The following LRRIQ1 variants were observed in gnomAD, a reference collection of about 807,000 sequenced individuals.
LRRIQ1 encodes the protein leucine-rich repeat- and IQ domain-containing protein 1.
A neutral mutation model predicts 211.9 loss-of-function variants in LRRIQ1; 210 were observed. That is an observed-to-expected ratio of 0.99 (90% CI 0.89 to 1.11). The LOEUF (loss-of-function observed/expected upper bound fraction) is 1.11. Among genes scored for constraint, LRRIQ1 ranks in the 50% most tolerant of loss-of-function variants. The pLI, the probability that LRRIQ1 is intolerant of heterozygous loss-of-function variation, is 0.00. For missense variants in LRRIQ1, 2,136 were observed against 1,939.5 expected (o/e 1.10, Z -1.90); for synonymous variants, 699 against 650.1 (o/e 1.08, Z -1.14).
chr12:85,141,119 CA>C (rs1450915189), intron 19 of LRRIQ1, among the ~76,000 whole-genome samples: 1 of 151,208 alleles, frequency 6.6e-6, no homozygotes, highest in African/African-American at 2.4e-5. Flanking sequence ...CTTCTGTTTT[CA>C]AGGGGAGTTT....
At chr12:85,260,895 T>A (rs1360731168) in intron 1 of LRRIQ1, among the ~76,000 whole-genome samples, 1 of 152,210 alleles carries the variant, frequency 6.6e-6, no homozygotes. Context: ...AGGCCAATAG[T>A]TTATCATCTA....
intron 6 of LRRIQ1, among the ~76,000 whole-genome samples, chr12:85,051,550 A>G (rs1249498414): frequency 6.6e-6 from 1 of 152,186 alleles, no homozygotes; most frequent in Non-Finnish European, 1.5e-5. Context: ...GATTTCAAAT[A>G]CAGTCTTTTG....
intron 24 of LRRIQ1, among the ~76,000 whole-genome samples, chr12:85,171,926 T>G (rs1891438844): frequency 1.3e-5 from 2 of 152,356 alleles, no homozygotes; most frequent in South Asian, 2.1e-4. Flanking sequence ...CATCCCAGTC[T>G]GTAGTATTTT....
chr12:85,205,352 T>A (rs950450414), intron 24 of LRRIQ1, among the ~76,000 whole-genome samples: 2 of 152,158 alleles, frequency 1.3e-5, no homozygotes, highest in African/African-American at 4.8e-5. Flanking sequence ...TTCTTCTTGG[T>A]TTAGGAAGCT....
chr12:85,119,712 T>C (rs769701146), intron 15 of LRRIQ1, among the ~76,000 whole-genome samples: 43 of 152,174 alleles, frequency 2.8e-4, no homozygotes, highest in Non-Finnish European at 6.2e-4. Context: ...TTCTAATAGG[T>C]ACGTAGTGGT....
intron 23 of LRRIQ1, among the ~76,000 whole-genome samples, chr12:85,158,566 C>A (rs1056726293): frequency 6.6e-6 from 1 of 151,808 alleles, no homozygotes; most frequent in African/African-American, 2.4e-5. Context: ...TAATGCTTAA[C>A]TAAAATTATA....
At chr12:85,219,605 T>C (rs769435893) in intron 24 of LRRIQ1, among the ~76,000 whole-genome samples, 6 of 152,028 alleles carry the variant, frequency 3.9e-5, no homozygotes, top group Non-Finnish European at 8.8e-5. Flanking sequence ...TTTCCCTCTC[T>C]GCCATAAAAT....
At chr12:85,222,402 A>G (rs1894444317) in intron 24 of LRRIQ1, among the ~76,000 whole-genome samples, 1 of 152,166 alleles carries the variant, frequency 6.6e-6, no homozygotes, top group Admixed American at 6.5e-5. Context: ...AGGATTGAGA[A>G]TAAAAACATG....
intron 15 of LRRIQ1, 66 bp from the exon 16 acceptor site, chr12:85,121,631 G>A: frequency 1.7e-6 from 2 of 1,189,684 alleles, no homozygotes; most frequent in Non-Finnish European, 2.3e-6. Flanking sequence ...ATTAGTATAT[G>A]GTTATTTAGA....
At chr12:85,205,934 T>G (rs939467601) in intron 24 of LRRIQ1, among the ~76,000 whole-genome samples, 5 of 151,902 alleles carry the variant, frequency 3.3e-5, no homozygotes, top group African/African-American at 9.7e-5. Context: ...TTGGAGAGAG[T>G]TTTTTATCTC....
intron 10 of LRRIQ1, among the ~76,000 whole-genome samples, chr12:85,072,130 G>T (rs372868252): frequency 6.6e-6 from 1 of 151,798 alleles, no homozygotes; most frequent in Admixed American, 6.6e-5. Flanking sequence ...TCTGAGCAAT[G>T]CTTATTCTGT....
rs80287440 is a variant in LRRIQ1, at chr12:85,240,272, C to A, written c.5017-4517C>A. Among the ~76,000 whole-genome samples the A allele has an allele frequency of 9.9e-3, 1,512 of 152,128 alleles. 111 individuals are homozygous for A. In the East Asian group the frequency reaches 0.2, roughly 20 times the overall value. On this transcript the variant is annotated intron_variant, in intron 26 of 26. Coordinates refer to ENST00000393217, the MANE Select transcript of LRRIQ1 (RefSeq NM_001079910.2). ...AGCCACTATATAATACCACTCTACC[C>A]CATTAAAGTGGTTAAAATAAAAAAT...
At chr12:85,170,888 A>T (rs907520349) in intron 24 of LRRIQ1, among the ~76,000 whole-genome samples, 10 of 152,160 alleles carry the variant, frequency 6.6e-5, no homozygotes, top group Admixed American at 6.5e-4. Context: ...CTGGAAATAG[A>T]TTTTTCACTA....
At chr12:85,246,547 A>G (rs960295860), downstream of LRRIQ1, among the ~76,000 whole-genome samples, 4 of 151,494 alleles carry the variant, frequency 2.6e-5, no homozygotes, top group Admixed American at 6.6e-5. Context: ...AGCTCAATAA[A>G]TCAGCAACTA....
intron 24 of LRRIQ1, among the ~76,000 whole-genome samples, chr12:85,202,433 C>G (rs1893343386): frequency 6.6e-6 from 1 of 152,132 alleles, no homozygotes; most frequent in South Asian, 2.1e-4. Context: ...TCATAGATCT[C>G]TTAAGAACAT....
intron 24 of LRRIQ1, among the ~76,000 whole-genome samples, chr12:85,181,488 A>G (rs2136885766): frequency 6.6e-6 from 1 of 152,068 alleles, no homozygotes; most frequent in East Asian, 1.9e-4. Flanking sequence ...ATGACCTTAA[A>G]TTGTATATGA....
At position 85,055,889 on chromosome 12, in the gene LRRIQ1, G is replaced by T; in HGVS notation, c.1096G>T (p.Glu366Ter). The T allele has an allele frequency of 6.3e-7, 1 of 1,583,012 alleles. No individual in the cohort carries two copies. Among genetic ancestry groups the T allele is most frequent in the South Asian group, 1.2e-5 (1 of 84,068 alleles). ...ERKRREKEYE[E>*]KKNIVKQERE... ...GAAAAGGAGAGAAAAAGAATATGAA[G>T]AAAAAAAGAATATTGTGAAACAGGA... Residue 366 changes from glutamate to a stop codon, truncating the protein, a stop_gained, in exon 8 of 27, where the codon GAA becomes TAA. Transcript: ENST00000393217. LOFTEE classifies it high-confidence loss of function.
intron 26 of LRRIQ1, among the ~76,000 whole-genome samples, chr12:85,238,461 A>G (rs1895297483): frequency 6.6e-6 from 1 of 152,146 alleles, no homozygotes; most frequent in African/African-American, 2.4e-5. Flanking sequence ...ACCAACAAGA[A>G]AGAAAAAAAT....
At chr12:85,115,675 A>C (rs557466273) in intron 15 of LRRIQ1, among the ~76,000 whole-genome samples, 2 of 152,286 alleles carry the variant, frequency 1.3e-5, no homozygotes, top group East Asian at 3.9e-4. Flanking sequence ...TTTCATGATA[A>C]AATCATTACT....
Sources: gnomAD v4.1 joint callset for allele counts (sites outside exome capture counted in the v4.1 genomes callset) on GRCh38, gnomAD v4.1.1 for gene constraint, MANE v1.5 for transcripts, NCBI Gene and HGNC (gene_info 2026-07-23, HGNC 2026-07-21) for gene names.